The following NRG3 variants were observed in gnomAD, a reference collection of about 807,000 sequenced individuals.
NRG3 encodes neuregulin 3.
Under a neutral mutation model 66.9 loss-of-function variants are expected in NRG3, and 31 were observed. The ratio of observed to expected loss-of-function variants is 0.46; its 90% CI spans 0.35 to 0.63. NRG3 has a LOEUF of 0.63. Ranked by LOEUF, NRG3 falls within the 20% of genes least tolerant of loss-of-function variation. The pLI is 0.00. For missense variants in NRG3, 910 were observed against 878.9 expected (o/e 1.04, Z -0.45); for synonymous variants, 393 against 359.4 (o/e 1.09, Z -1.06).
At position 82,859,420 on chromosome 10, in the gene NRG3, C is replaced by T. The variant is rs148985578; in HGVS notation, c.1028-5991C>T. On this transcript the variant is annotated intron_variant, in intron 3 of 8. Transcript: ENST00000372141. ...TAAACCCACATTGTGTCGCTTTGTC[C>T]CAGGGCTGCATTGCAGTGAGTTCCT... Among the ~76,000 whole-genome samples, 548 of 152,182 alleles carry T rather than the reference C, an allele frequency of 3.6e-3. 2 individuals are homozygous for T. Among genetic ancestry groups the T allele is most frequent in the African/African-American group, 0.012 (487 of 41,524 alleles).
At chr10:82,791,472 G>A (rs1294545518) in intron 3 of NRG3, among the ~76,000 whole-genome samples, 1 of 150,678 alleles carries the variant, frequency 6.6e-6, no homozygotes, top group Non-Finnish European at 1.5e-5. Flanking sequence ...CTCTTCCTTT[G>A]CCAAATATTC....
intron 2 of NRG3, among the ~76,000 whole-genome samples, chr10:82,463,738 C>T (rs1263158618): frequency 6.6e-6 from 1 of 152,192 alleles, no homozygotes. Flanking sequence ...CCCTCAACTG[C>T]CTGAATCCAG....
At chr10:82,079,850 C>T (rs528503953) in intron 1 of NRG3, among the ~76,000 whole-genome samples, 7 of 152,176 alleles carry the variant, frequency 4.6e-5, no homozygotes, top group African/African-American at 1.7e-4. Context: ...TATAGGTATC[C>T]TATATCTGGA....
intron 2 of NRG3, among the ~76,000 whole-genome samples, chr10:82,566,041 GT>G (rs2045383564): frequency 6.6e-6 from 1 of 151,960 alleles, no homozygotes; most frequent in Non-Finnish European, 1.5e-5. Context: ...TCCATAAAAT[GT>G]TTTTCTACAT....
intron 2 of NRG3, among the ~76,000 whole-genome samples, chr10:82,564,305 G>T (rs2045249245): frequency 6.6e-6 from 1 of 152,056 alleles, no homozygotes; most frequent in Admixed American, 6.6e-5. Context: ...GATTCATTTT[G>T]CATATTTCTT....
intron 2 of NRG3, among the ~76,000 whole-genome samples, chr10:82,543,715 AGAGTAAGAG>A (rs1400091958): frequency 1.6e-4 from 25 of 152,202 alleles, no homozygotes; most frequent in African/African-American, 6.0e-4. Flanking sequence ...TGCATTTTAC[AGAGTAAGAG>A]GATGAGGCTC....
At chr10:82,083,614 T>G (rs942465437) in intron 1 of NRG3, among the ~76,000 whole-genome samples, 22 of 111,562 alleles carry the variant, frequency 2.0e-4, no homozygotes, top group African/African-American at 7.4e-4. Flanking sequence ...TTTTTTTTTT[T>G]GAGACAGAGT....
At chr10:82,525,854 A>T (rs1315060079) in intron 2 of NRG3, among the ~76,000 whole-genome samples, 1 of 151,994 alleles carries the variant, frequency 6.6e-6, no homozygotes, top group Non-Finnish European at 1.5e-5. Flanking sequence ...ACCTATAAAA[A>T]GTGGCAGATC....
intron 2 of NRG3, among the ~76,000 whole-genome samples, chr10:82,420,444 C>T (rs1385528081): frequency 6.6e-6 from 1 of 152,120 alleles, no homozygotes; most frequent in Admixed American, 6.6e-5. Context: ...ATTTCAGATA[C>T]ACAGAGCTGG....
intron 6 of NRG3, among the ~76,000 whole-genome samples, chr10:82,964,614 C>T (rs1479314883): frequency 6.6e-6 from 1 of 152,168 alleles, no homozygotes; most frequent in African/African-American, 2.4e-5. Context: ...AGTGAAATCA[C>T]TCTTGAAAAC....
intron 3 of NRG3, among the ~76,000 whole-genome samples, chr10:82,770,849 G>A (rs151194164): frequency 6.6e-6 from 1 of 152,172 alleles, no homozygotes; most frequent in Non-Finnish European, 1.5e-5. Flanking sequence ...ATACTCAGGA[G>A]CTCTAGGGAA....
chr10:82,586,808 G>A (rs2046698434), intron 2 of NRG3, among the ~76,000 whole-genome samples: 1 of 151,948 alleles, frequency 6.6e-6, no homozygotes, highest in Non-Finnish European at 1.5e-5. Flanking sequence ...CAAATGCTCA[G>A]GCTTGTAGAA....
chr10:81,926,382 A>G (rs1364872086), intron 1 of NRG3, among the ~76,000 whole-genome samples: 1 of 152,082 alleles, frequency 6.6e-6, no homozygotes, highest in Non-Finnish European at 1.5e-5. Flanking sequence ...TGGCCTCCCA[A>G]ATTGCTGGGA....
chr10:82,240,885 A>C (rs2076977579), intron 1 of NRG3, among the ~76,000 whole-genome samples: 2 of 152,242 alleles, frequency 1.3e-5, no homozygotes, highest in African/African-American at 4.8e-5. Flanking sequence ...GTTATGACAT[A>C]GGCAAGTAGA....
intron 1 of NRG3, among the ~76,000 whole-genome samples, chr10:81,970,302 G>T (rs887346869): frequency 6.6e-5 from 10 of 152,174 alleles, no homozygotes; most frequent in African/African-American, 2.4e-4. Flanking sequence ...GATGTTATTT[G>T]TTACTGGCTC....
intron 1 of NRG3, among the ~76,000 whole-genome samples, chr10:81,900,213 T>G (rs1409102099): frequency 6.6e-6 from 1 of 151,404 alleles, no homozygotes; most frequent in Non-Finnish European, 1.5e-5. Context: ...CCTCCCAAAG[T>G]GTGGGATTAC....
chr10:82,115,707 G>C (rs193013352), intron 1 of NRG3, among the ~76,000 whole-genome samples: 7 of 152,242 alleles, frequency 4.6e-5, no homozygotes, highest in Admixed American at 3.9e-4. Flanking sequence ...ATTTACACTA[G>C]AGTCAAAAGT....
chr10:82,653,731 A>G (rs905629762), intron 2 of NRG3, among the ~76,000 whole-genome samples: 5 of 152,044 alleles, frequency 3.3e-5, no homozygotes, highest in African/African-American at 1.2e-4. Context: ...GGGGGAAAGC[A>G]GCAGAGGAAG....
intron 4 of NRG3, among the ~76,000 whole-genome samples, chr10:82,893,188 A>G (rs1432889369): frequency 6.6e-6 from 1 of 152,210 alleles, no homozygotes; most frequent in Non-Finnish European, 1.5e-5. Context: ...ATTTATACAA[A>G]TAACAACATT....
Sources: allele counts gnomAD v4.1 joint callset (sites outside exome capture counted in the v4.1 genomes callset), GRCh38; gene constraint gnomAD v4.1.1; transcripts MANE v1.5; gene names NCBI Gene and HGNC (gene_info 2026-07-23, HGNC 2026-07-21).